Variants in CNTNAP2 observed in about 807,000 individuals in gnomAD.
CNTNAP2 encodes contactin-associated protein-like 2.
Under a neutral mutation model 155.2 loss-of-function variants are expected in CNTNAP2, and 98 were observed. That is an observed-to-expected ratio of 0.63 (90% confidence interval 0.54 to 0.75). The LOEUF is 0.75. Ranked by LOEUF, CNTNAP2 falls within the 30% of genes least tolerant of loss-of-function variation. The probability of loss-of-function intolerance (pLI) is 0.00; values close to 1 mark genes in which losing one functional copy is unlikely to be tolerated. For synonymous variants in CNTNAP2, 651 were observed against 631.2 expected (o/e 1.03, Z -0.47); for missense variants, 1,727 against 1,688.1 (o/e 1.02, Z -0.40).
chr7:146,982,048 A>G (rs1798028165), intron 3 of CNTNAP2, among the ~76,000 whole-genome samples: 1 of 152,146 alleles, frequency 6.6e-6, no homozygotes, highest in Admixed American at 6.5e-5. Context: ...ATTTCATACA[A>G]TTTTCCTACA....
chr7:146,506,819 C>A (rs1421928281), intron 1 of CNTNAP2, among the ~76,000 whole-genome samples: 1 of 152,182 alleles, frequency 6.6e-6, no homozygotes, highest in African/African-American at 2.4e-5. Context: ...CATATGGTAT[C>A]AGTACTAGGC....
intron 8 of CNTNAP2, among the ~76,000 whole-genome samples, chr7:147,168,630 C>A (rs1451643055): frequency 6.6e-6 from 1 of 152,026 alleles, no homozygotes; most frequent in East Asian, 1.9e-4. Flanking sequence ...ATTGGAATTC[C>A]ATTTCCATTA....
intron 21 of CNTNAP2, among the ~76,000 whole-genome samples, chr7:148,290,509 T>A (rs1297360771): frequency 6.6e-6 from 1 of 152,250 alleles, no homozygotes; most frequent in Non-Finnish European, 1.5e-5. Flanking sequence ...AGGTCAAGGA[T>A]AGGAGAATTT....
At chr7:147,761,451 C>T (rs1016870488) in intron 13 of CNTNAP2, among the ~76,000 whole-genome samples, 2 of 152,148 alleles carry the variant, frequency 1.3e-5, no homozygotes, top group African/African-American at 2.4e-5. Context: ...TCCTTCAAAA[C>T]AGAAAGCCCC....
At chr7:146,266,504 T>C (rs547221131) in intron 1 of CNTNAP2, among the ~76,000 whole-genome samples, 78 of 152,326 alleles carry the variant, frequency 5.1e-4, no homozygotes, top group African/African-American at 1.5e-3. Flanking sequence ...TTTTTTATTT[T>C]GGGAATACAA....
intron 21 of CNTNAP2, among the ~76,000 whole-genome samples, chr7:148,281,454 A>C (rs1202895703): frequency 6.6e-6 from 1 of 152,254 alleles, no homozygotes; most frequent in African/African-American, 2.4e-5. Flanking sequence ...GCAGGAAAGC[A>C]CTGATGAGAA....
intron 3 of CNTNAP2, among the ~76,000 whole-genome samples, chr7:146,913,623 G>A (rs1252022279): frequency 4.6e-5 from 7 of 152,056 alleles, no homozygotes; most frequent in African/African-American, 1.4e-4. Context: ...AAAGAAGCAA[G>A]CTTTCTTGGG....
At chr7:147,166,192 A>G (rs770143436) in intron 8 of CNTNAP2, among the ~76,000 whole-genome samples, 2 of 152,228 alleles carry the variant, frequency 1.3e-5, no homozygotes, top group Non-Finnish European at 2.9e-5. Context: ...ATAGATAGGT[A>G]TGGAATATAC....
At chr7:147,990,063 G>GC (rs1185178489) in intron 15 of CNTNAP2, among the ~76,000 whole-genome samples, 1 of 151,504 alleles carries the variant, frequency 6.6e-6, no homozygotes, top group African/African-American at 2.4e-5. Flanking sequence ...ACAAATTTGG[G>GC]GTTGCTACTA....
chr7:146,644,346 G>A (rs1306744104), intron 1 of CNTNAP2, among the ~76,000 whole-genome samples: 2 of 152,038 alleles, frequency 1.3e-5, no homozygotes, highest in African/African-American at 2.4e-5. Flanking sequence ...CCTAATTTAT[G>A]GAGAGTTTTT....
rs533341578 is a variant in CNTNAP2, at chr7:146,868,633, C to G, written c.402+28729C>G. ...TATAGCCATATTAATGATATTGATT[C>G]TTCCTATCCATGAGCATGGGAGGTT... On this transcript the variant is annotated intron_variant, in intron 3 of 23. Transcript: ENST00000361727. Among the ~76,000 whole-genome samples, 7 of 152,250 alleles carry G rather than the reference C, an allele frequency of 4.6e-5. No homozygotes were observed. In the East Asian group the frequency reaches 1.4e-3, roughly 29 times the overall value.
chr7:147,495,594 C>T (rs978112204), intron 11 of CNTNAP2, among the ~76,000 whole-genome samples: 3 of 152,104 alleles, frequency 2.0e-5, no homozygotes, highest in African/African-American at 7.2e-5. Context: ...AGATGACAGC[C>T]ATGGTTATAA....
intron 19 of CNTNAP2, among the ~76,000 whole-genome samples, chr7:148,228,396 A>C (rs1343508629): frequency 1.3e-5 from 2 of 152,196 alleles, no homozygotes; most frequent in African/African-American, 2.4e-5. Context: ...AAAGTGAACT[A>C]TCATTGAGGG....
intron 1 of CNTNAP2, among the ~76,000 whole-genome samples, chr7:146,160,570 A>C (rs559487347): frequency 5.9e-5 from 9 of 152,334 alleles, no homozygotes; most frequent in African/African-American, 2.2e-4. Flanking sequence ...AATACTACAA[A>C]CATCTCCACG....
intron 11 of CNTNAP2, among the ~76,000 whole-genome samples, chr7:147,557,458 GTC>G (rs145733556): frequency 0.033 from 5,029 of 152,208 alleles, 128 homozygotes; most frequent in African/African-American, 0.055. Flanking sequence ...GACTTGATGA[GTC>G]TATTTATTTT....
intron 2 of CNTNAP2, among the ~76,000 whole-genome samples, chr7:146,804,202 C>T (rs1417095333): frequency 6.6e-6 from 1 of 152,140 alleles, no homozygotes; most frequent in Non-Finnish European, 1.5e-5. Context: ...AAAAGAGATA[C>T]TGTAATCATA....
At chr7:146,670,917 G>C (rs1446608578) in intron 1 of CNTNAP2, among the ~76,000 whole-genome samples, 1 of 152,126 alleles carries the variant, frequency 6.6e-6, no homozygotes, top group Non-Finnish European at 1.5e-5. Context: ...TTGAGAGAAG[G>C]CAACCCCATT....
At chr7:147,730,242 A>G (rs753009203) in intron 13 of CNTNAP2, among the ~76,000 whole-genome samples, 1 of 152,088 alleles carries the variant, frequency 6.6e-6, no homozygotes, top group African/African-American at 2.4e-5. Context: ...ATAAAATCCA[A>G]TCACAGGCAT....
rs553426388 is a variant in CNTNAP2, at chr7:148,237,830, C to A, written c.3381+8051C>A. On this transcript the variant is annotated intron_variant, in intron 20 of 23. Coordinates refer to ENST00000361727, the MANE Select transcript of CNTNAP2 (RefSeq NM_014141.6). ...GGTGGCCGGGGGAGCCCTAGTTCAC[C>A]ACTTTCTATATGTGGAAAAGTGTAC... Among the ~76,000 whole-genome samples the A allele has an allele frequency of 6.6e-5, 10 of 152,282 alleles. No homozygotes were observed. In the East Asian group the frequency reaches 1.7e-3, roughly 27 times the overall value.
Sources: gnomAD v4.1 joint callset for allele counts (sites outside exome capture counted in the v4.1 genomes callset) on GRCh38, gnomAD v4.1.1 for gene constraint, MANE v1.5 for transcripts, NCBI Gene and HGNC (gene_info 2026-07-23, HGNC 2026-07-21) for gene names.